The following NRXN1 variants were observed in gnomAD, a reference collection of about 807,000 sequenced individuals.
NRXN1 encodes neurexin-1.
NRXN1 carries 39 observed loss-of-function variants against 150.9 expected under a neutral mutation model. The observed-to-expected ratio is 0.26, with a 90% confidence interval of 0.20 to 0.34. The LOEUF (loss-of-function observed/expected upper bound fraction) is 0.34. NRXN1 is among the 10% of genes least tolerant of loss of function. NRXN1 has a pLI of 1.00. For synonymous variants in NRXN1, 924 were observed against 757.0 expected (o/e 1.22, Z -3.62); for missense variants, 1,815 against 1,949.9 (o/e 0.93, Z 1.30).
At chr2:50,564,304 T>G (rs1268543828) in intron 8 of NRXN1, among the ~76,000 whole-genome samples, 1 of 152,160 alleles carries the variant, frequency 6.6e-6, no homozygotes, top group Non-Finnish European at 1.5e-5. Context: ...CTGTGTAAGG[T>G]CTTAAGGGTT....
intron 17 of NRXN1, among the ~76,000 whole-genome samples, chr2:50,300,235 G>C (rs1420761072): frequency 6.6e-6 from 1 of 152,174 alleles, no homozygotes; most frequent in Non-Finnish European, 1.5e-5. Flanking sequence ...TTTTAAGCTG[G>C]ACTGAGTAAA....
chr2:50,293,569 GC>G (rs1468083654), intron 17 of NRXN1, among the ~76,000 whole-genome samples: 2 of 152,258 alleles, frequency 1.3e-5, no homozygotes, highest in East Asian at 3.9e-4. Flanking sequence ...TTTTCCCACA[GC>G]AGGGCTACCT....
intron 2 of NRXN1, among the ~76,000 whole-genome samples, chr2:51,023,222 C>T (rs1669901940): frequency 6.6e-6 from 1 of 152,178 alleles, no homozygotes; most frequent in Non-Finnish European, 1.5e-5. Context: ...GCTAGAGTGA[C>T]ATTTTGGAAA....
At chr2:50,086,080 G>C (rs939806013) in intron 19 of NRXN1, among the ~76,000 whole-genome samples, 1 of 152,120 alleles carries the variant, frequency 6.6e-6, no homozygotes, top group African/African-American at 2.4e-5. Context: ...TGGAATAGAA[G>C]AACGTTGAAG....
chr2:50,306,763 G>C (rs1234982290), intron 17 of NRXN1, among the ~76,000 whole-genome samples: 1 of 152,174 alleles, frequency 6.6e-6, no homozygotes, highest in Non-Finnish European at 1.5e-5. Flanking sequence ...ACATTTTTGA[G>C]TGTAATCAAA....
At chr2:51,014,495 G>C (rs758583553) in intron 2 of NRXN1, among the ~76,000 whole-genome samples, 47 of 152,012 alleles carry the variant, frequency 3.1e-4, no homozygotes, top group Non-Finnish European at 5.6e-4. Context: ...TTATTAAACA[G>C]TTAAATGGAA....
intron 5 of NRXN1, among the ~76,000 whole-genome samples, chr2:50,914,143 T>C (rs1684897676): frequency 1.3e-5 from 2 of 151,762 alleles, no homozygotes; most frequent in Admixed American, 6.6e-5. Context: ...ACAGGTTCTA[T>C]GGCTTAGGAC....
intron 13 of NRXN1, among the ~76,000 whole-genome samples, chr2:50,500,458 C>T (rs1463335821): frequency 4.6e-5 from 7 of 152,152 alleles, no homozygotes; most frequent in Admixed American, 4.6e-4. Context: ...TTGTTGCCTT[C>T]TTTAAAAAAT....
At chr2:50,983,761 G>A (rs1697217625) in intron 2 of NRXN1, among the ~76,000 whole-genome samples, 1 of 152,032 alleles carries the variant, frequency 6.6e-6, no homozygotes, top group African/African-American at 2.4e-5. Flanking sequence ...TAATCTGCCA[G>A]GATGGATCTT....
At chr2:50,688,409 C>T (rs1054315828) in intron 5 of NRXN1, among the ~76,000 whole-genome samples, 50 of 152,216 alleles carry the variant, frequency 3.3e-4, no homozygotes, top group African/African-American at 1.2e-3. Context: ...TCCTTATATA[C>T]CTTATTATTG....
At chr2:50,124,030 GA>G (rs1704228278) in intron 18 of NRXN1, among the ~76,000 whole-genome samples, 1 of 152,058 alleles carries the variant, frequency 6.6e-6, no homozygotes, top group African/African-American at 2.4e-5. Flanking sequence ...GCTATAAATA[GA>G]AAAAGGAAGA....
At chr2:50,533,562 G>A (rs1367137962) in intron 10 of NRXN1, among the ~76,000 whole-genome samples, 2 of 152,080 alleles carry the variant, frequency 1.3e-5, no homozygotes, top group Non-Finnish European at 2.9e-5. Flanking sequence ...ATTGATTGCT[G>A]TTCACCTCTG....
intron 22 of NRXN1, among the ~76,000 whole-genome samples, chr2:49,922,787 A>G (rs898410830): frequency 2.6e-5 from 4 of 152,212 alleles, no homozygotes; most frequent in Non-Finnish European, 5.9e-5. Flanking sequence ...TCTGCTTTTT[A>G]AAGTATAACT....
At chr2:50,495,677 A>G (rs536645073) in intron 15 of NRXN1, among the ~76,000 whole-genome samples, 2 of 152,230 alleles carry the variant, frequency 1.3e-5, no homozygotes, top group Admixed American at 6.5e-5. Flanking sequence ...TTAATCATGC[A>G]TGCTTCCTTA....
At position 50,053,558 on chromosome 2, in the gene NRXN1, T is replaced by A. The variant is rs1174087791; in HGVS notation, c.3841A>T (p.Thr1281Ser). Residue 1281 changes from threonine (T) to serine (S), a missense_variant, in exon 21 of 23, where the codon ACC becomes TCC. By Grantham distance (58) the Thr-to-Ser change is moderately conservative. This residue lies in a region of NRXN1 where 265 missense variants were observed against 307.1 expected (regional missense o/e 0.86). Coordinates refer to ENST00000401669, the MANE Select transcript of NRXN1 (RefSeq NM_001330078.2). ...TGCTCTTTCCCGCCAATTATTATGG[T>A]TGCTTGGCTATTGAAGATTGTGAGC... ...RQLTIFNSQA[T>S]IIIGGKEQGQ... is the part of the protein sequence containing the mutation. The A allele has an allele frequency of 9.9e-6, 16 of 1,614,018 alleles. No individual in the cohort carries two copies. Among genetic ancestry groups the A allele is most frequent in the Non-Finnish European group, 1.4e-5 (16 of 1,179,922 alleles).
chr2:50,608,895 A>T (rs1677573430), intron 8 of NRXN1, among the ~76,000 whole-genome samples: 1 of 152,164 alleles, frequency 6.6e-6, no homozygotes, highest in Non-Finnish European at 1.5e-5. Flanking sequence ...TTGTATTTGA[A>T]CTATAAAAAT....
chr2:50,878,861 T>C (rs1175395468), intron 5 of NRXN1, among the ~76,000 whole-genome samples: 1 of 151,992 alleles, frequency 6.6e-6, no homozygotes, highest in Non-Finnish European at 1.5e-5. Context: ...TCCCCAAAGA[T>C]TCTCATGTAC....
intron 5 of NRXN1, among the ~76,000 whole-genome samples, chr2:50,766,255 T>C (rs981542809): frequency 1.1e-4 from 17 of 151,934 alleles, no homozygotes; most frequent in Admixed American, 6.6e-5. Context: ...CTCCCCATGA[T>C]TTATGGTCTG....
intron 8 of NRXN1, among the ~76,000 whole-genome samples, chr2:50,559,967 T>C (rs1474343490): frequency 6.6e-6 from 1 of 152,216 alleles, no homozygotes; most frequent in African/African-American, 2.4e-5. Flanking sequence ...AAAACAACTG[T>C]AGCCTCCAAA....
Sources: allele counts gnomAD v4.1 joint callset (sites outside exome capture counted in the v4.1 genomes callset), GRCh38; gene constraint gnomAD v4.1.1; regional missense constraint gnomAD v4.1.1; transcripts MANE v1.5; gene names NCBI Gene and HGNC (gene_info 2026-07-23, HGNC 2026-07-21).